MCPH1: variants seen among roughly 807,000 people sequenced by gnomAD.
MCPH1 encodes the protein microcephalin 1.
MCPH1 carries 104 observed loss-of-function variants against 84.5 expected under a neutral mutation model. The ratio of observed to expected loss-of-function variants is 1.23; its 90% CI spans 1.05 to 1.45. The LOEUF (loss-of-function observed/expected upper bound fraction) is 1.45, where lower values mean the gene tolerates loss of function less well. Ranked by LOEUF, MCPH1 falls within the 40% of genes most tolerant of loss-of-function variation. The pLI is 0.00. For missense variants in MCPH1, 1,498 were observed against 1,005.7 expected (o/e 1.49, Z -6.62); for synonymous variants, 514 against 366.8 (o/e 1.40, Z -4.58).
At chr8:6,549,900 G>T (rs1295111420) in intron 12 of MCPH1, among the ~76,000 whole-genome samples, 1 of 152,212 alleles carries the variant, frequency 6.6e-6, no homozygotes, top group Non-Finnish European at 1.5e-5. Flanking sequence ...AAAAGAAAAA[G>T]CTAGATTCCC....
At chr8:6,609,652 G>C (rs1830080891) in intron 12 of MCPH1, among the ~76,000 whole-genome samples, 1 of 152,232 alleles carries the variant, frequency 6.6e-6, no homozygotes, top group African/African-American at 2.4e-5. Flanking sequence ...TAAGCCGGGA[G>C]CGATTATCCT....
At chr8:6,635,945 C>T (rs931391277) in intron 13 of MCPH1, among the ~76,000 whole-genome samples, 5 of 152,184 alleles carry the variant, frequency 3.3e-5, no homozygotes, top group African/African-American at 7.2e-5. Context: ...CCCCTGAGCA[C>T]GTAAGTCTTC....
chr8:6,453,941 A>G (rs1373896094), intron 8 of MCPH1, among the ~76,000 whole-genome samples: 2 of 152,208 alleles, frequency 1.3e-5, no homozygotes, highest in Non-Finnish European at 2.9e-5. Flanking sequence ...AAATCTGTCC[A>G]GGGCCCAGGC....
At chr8:6,420,698 C>G (rs368630703) in intron 3 of MCPH1, among the ~76,000 whole-genome samples, 1 of 152,114 alleles carries the variant, frequency 6.6e-6, no homozygotes, top group Admixed American at 6.5e-5. Context: ...TCATGTCTTG[C>G]TTCAGTTACT....
Position 6,409,365 on chromosome 8 carries a change from GC to G in MCPH1, c.110del (p.Ala37GlufsTer11). On this transcript the variant is annotated frameshift_variant, in exon 2 of 14. Coordinates refer to ENST00000344683, the MANE Select transcript of MCPH1 (RefSeq NM_024596.5). LOFTEE classifies it high-confidence loss of function. ...TFTTQLVDMG[A>X]KVSKTFNKQV... is the part of the protein sequence containing the mutation. ...TACAACACAGCTTGTGGATATGGGG[GC>G]AAAGGTAAGACACTTATTTTGCTGT... 1 of 1,610,356 alleles carries G rather than the reference GC, an allele frequency of 6.2e-7. No homozygotes were observed. The highest frequency in any genetic ancestry group is 1.3e-5 in the African/African-American group (1 of 74,964).
chr8:6,407,482 A>T (rs1797906691), intron 1 of MCPH1, among the ~76,000 whole-genome samples: 1 of 151,780 alleles, frequency 6.6e-6, no homozygotes. Flanking sequence ...ACGCAGTCCC[A>T]CCCTCTGTGC....
chr8:6,431,683 G>A lies in MCPH1; in HGVS notation c.321+97G>A, dbSNP rs1478908465. 3 of 827,594 alleles carry A rather than the reference G, an allele frequency of 3.6e-6. No individual in the cohort carries two copies. The Admixed American group carries it at 7.0e-5, about 19-fold the overall frequency. The allele number at this position is 827,594 out of a possible 1,614,324, so 51.3% of individuals were successfully genotyped here. On this transcript the variant is annotated intron_variant, in intron 4 of 13. Coordinates refer to ENST00000344683, the MANE Select transcript of MCPH1 (RefSeq NM_024596.5). ...ATAAAACTTCTAGAAATATATTCAA[G>A]AGTTGTCTTAAATATGCTATTGATG...
At chr8:6,440,484 C>A (rs1211091385) in intron 6 of MCPH1, among the ~76,000 whole-genome samples, 1 of 152,168 alleles carries the variant, frequency 6.6e-6, no homozygotes, top group Non-Finnish European at 1.5e-5. Context: ...CTCACCCTCT[C>A]AAGTAGCTAG....
chr8:6,621,591 C>T lies in MCPH1; in HGVS notation c.2352C>T (p.Gly784=). ...KLCELVHLCG[G]RVSQVPRQAS... ...GTGAACTAGTCCACCTGTGCGGAGGCCGGGTCAGCCAAGTCCCCCGCCAGG... is the reference window on the plus strand; with the variant it reads ...GTGAACTAGTCCACCTGTGCGGAGGTCGGGTCAGCCAAGTCCCCCGCCAGG... The change falls in exon 13 of 14, where the codon GGC becomes GGT. Residue 784 remains glycine, a synonymous_variant. Coordinates refer to ENST00000344683, the MANE Select transcript of MCPH1 (RefSeq NM_024596.5). 3.1e-6 allele frequency: 5 copies of T among 1,614,212 alleles called. No homozygotes were observed. The highest frequency in any genetic ancestry group is 1.7e-5 in the Admixed American group (1 of 60,032).
chr8:6,521,820 G>A (rs941857935), intron 12 of MCPH1, among the ~76,000 whole-genome samples: 2 of 152,126 alleles, frequency 1.3e-5, no homozygotes, highest in Admixed American at 6.5e-5. Context: ...TAGGATATTA[G>A]CTTTCTCCTA....
At chr8:6,483,790 A>G (rs560329037) in intron 11 of MCPH1, among the ~76,000 whole-genome samples, 1 of 152,190 alleles carries the variant, frequency 6.6e-6, no homozygotes, top group East Asian at 1.9e-4. Flanking sequence ...AACCGGTGAG[A>G]TGGAGGTTGC....
intron 12 of MCPH1, among the ~76,000 whole-genome samples, chr8:6,516,139 A>C (rs1816225679): frequency 6.6e-6 from 1 of 152,228 alleles, no homozygotes; most frequent in Non-Finnish European, 1.5e-5. Flanking sequence ...ACATTTATTA[A>C]GAAGAAAATT....
At chr8:6,554,005 A>C (rs10103026) in intron 12 of MCPH1, among the ~76,000 whole-genome samples, 16,294 of 151,736 alleles carry the variant, frequency 0.11, 2,364 homozygotes, top group African/African-American at 0.33. Flanking sequence ...AGACGAGCGC[A>C]CAACTCAGGT....
At chr8:6,624,879 T>C in intron 13 of MCPH1, 1 of 983,006 alleles carries the variant, frequency 1.0e-6, no homozygotes. Context: ...ATATACTTTT[T>C]TTTTTTTTTT....
chr8:6,530,251 T>C (rs2129571336), intron 12 of MCPH1, among the ~76,000 whole-genome samples: 1 of 152,198 alleles, frequency 6.6e-6, no homozygotes, highest in African/African-American at 2.4e-5. Flanking sequence ...CTCACGCCTG[T>C]GATCCCAGCA....
In MCPH1 at chr8:6,464,113, T is replaced by A. The variant is rs145968388; in HGVS notation, c.1935+8861T>A. On this transcript the variant is annotated intron_variant, in intron 9 of 13. Coordinates refer to ENST00000344683, the MANE Select transcript of MCPH1 (RefSeq NM_024596.5). ...TCATTTCCATTGTTCAGACCCGCTGTACGCAGAAAGATAGGCCCTTTAGTG... is the reference window on the plus strand; with the variant it reads ...TCATTTCCATTGTTCAGACCCGCTGAACGCAGAAAGATAGGCCCTTTAGTG... Among the ~76,000 whole-genome samples, 399 of 152,358 alleles carry A rather than the reference T, an allele frequency of 2.6e-3. 3 individuals are homozygous for A. Among genetic ancestry groups the A allele is most frequent in the African/African-American group, 8.9e-3 (371 of 41,576 alleles).
intron 10 of MCPH1, 97 bp downstream of exon 10, chr8:6,477,728 C>G: frequency 3.3e-6 from 3 of 898,554 alleles, no homozygotes; most frequent in Non-Finnish European, 3.7e-6. Context: ...GTCAATCTGT[C>G]CTGTATCACT....
chr8:6,610,710 T>C (rs1002997626), intron 12 of MCPH1, among the ~76,000 whole-genome samples: 1 of 152,170 alleles, frequency 6.6e-6, no homozygotes, highest in African/African-American at 2.4e-5. Flanking sequence ...TTCAAGTCTG[T>C]TATCTTTACT....
chr8:6,621,751 G>C, intron 13 of MCPH1, 60 bp downstream of exon 13: 3 of 1,611,536 alleles, frequency 1.9e-6, no homozygotes, highest in Non-Finnish European at 2.5e-6. Context: ...AGGTTTCCAG[G>C]GAGGGCGGCG....
Sources: gnomAD v4.1 joint callset for allele counts (sites outside exome capture counted in the v4.1 genomes callset) on GRCh38, gnomAD v4.1.1 for gene constraint, MANE v1.5 for transcripts, NCBI Gene and HGNC (gene_info 2026-07-23, HGNC 2026-07-21) for gene names.